Variants in YPEL2 observed in about 807,000 individuals in gnomAD.
YPEL2 encodes yippee like 2.
In YPEL2, 2 loss-of-function variants were observed where a neutral mutation model predicts 19.1. The observed-to-expected ratio is 0.10, with a 90% confidence interval of 0.04 to 0.33. The LOEUF (loss-of-function observed/expected upper bound fraction) is 0.33. Ranked by LOEUF, YPEL2 falls within the 10% of genes least tolerant of loss-of-function variation. The probability of loss-of-function intolerance (pLI) is 1.00; values close to 1 mark genes in which losing one functional copy is unlikely to be tolerated. For missense variants in YPEL2, 66 were observed against 140.7 expected, an observed-to-expected ratio of 0.47 and a Z score of 2.68; for synonymous variants, 52 against 50.0, an observed-to-expected ratio of 1.04 and a Z score of -0.17.
At chr17:59,334,640 CTTAG>C (rs1329557385) in intron 1 of YPEL2, among the ~76,000 whole-genome samples, 27 of 151,802 alleles carry the variant, frequency 1.8e-4, no homozygotes, top group Admixed American at 6.6e-5. Flanking sequence ...ATTTTTCCCT[CTTAG>C]TTATTGTGTC....
chr17:59,381,487 G>C (rs2047949025), intron 2 of YPEL2, among the ~76,000 whole-genome samples: 1 of 152,144 alleles, frequency 6.6e-6, no homozygotes, highest in African/African-American at 2.4e-5. Context: ...CTATCACCAG[G>C]GGGAAGAAAC....
Position 59,353,631 on chromosome 17 carries a change from T to A in YPEL2, c.117+105T>A, listed in dbSNP as rs2047798207. ...TCTCAAGAATATTTGTACTCCATCT[T>A]TGTACAGGGAGGGCTGACCCACGTG... On this transcript the variant is annotated intron_variant, in intron 2 of 4. Coordinates refer to ENST00000312655, the MANE Select transcript of YPEL2 (RefSeq NM_001005404.4). This position sits in a 1 kb window ranked among gnomAD's most constrained non-coding sequence, Gnocchi z 4.8. 1.1e-6 allele frequency: 1 copy of A among 904,400 alleles called. No homozygotes were observed. The highest frequency in any genetic ancestry group is 1.8e-6 in the Non-Finnish European group (1 of 543,332). 56.0% of individuals were successfully genotyped at this position (904,400 alleles called of 1,614,324 possible). A position where few individuals can be genotyped will look rare whatever the true frequency, so the allele number is the denominator to read the frequency against.
intron 1 of YPEL2, among the ~76,000 whole-genome samples, chr17:59,332,769 C>T (rs1038944463): frequency 8.5e-5 from 13 of 152,144 alleles, no homozygotes; most frequent in African/African-American, 3.1e-4. Context: ...CCCTCGCCCG[C>T]CCCCCAGTCC....
intron 2 of YPEL2, among the ~76,000 whole-genome samples, chr17:59,358,541 T>C (rs2047824620): frequency 6.6e-6 from 1 of 151,896 alleles, no homozygotes; most frequent in African/African-American, 2.4e-5. Flanking sequence ...CCACTCTACC[T>C]GTCAGGGCAG....
At chr17:59,332,862 C>T (rs571634809) in intron 1 of YPEL2, among the ~76,000 whole-genome samples, 1 of 152,168 alleles carries the variant, frequency 6.6e-6, no homozygotes, top group African/African-American at 2.4e-5. Flanking sequence ...ATTTGCTGTC[C>T]TTGCAACTTG....
intron 2 of YPEL2, among the ~76,000 whole-genome samples, chr17:59,386,346 A>G (rs2047980265): frequency 6.6e-6 from 1 of 151,880 alleles, no homozygotes; most frequent in Non-Finnish European, 1.5e-5. Flanking sequence ...AAAAGGAAAG[A>G]AAGAAAAAGG....
chr17:59,361,139 A>C (rs1390491154), intron 2 of YPEL2, among the ~76,000 whole-genome samples: 1 of 152,168 alleles, frequency 6.6e-6, no homozygotes, highest in African/African-American at 2.4e-5. Context: ...GCTTGGGATA[A>C]TTTGTATAGC....
At chr17:59,337,633 G>A (rs1471870581) in intron 1 of YPEL2, among the ~76,000 whole-genome samples, 2 of 152,006 alleles carry the variant, frequency 1.3e-5, no homozygotes, top group Admixed American at 1.3e-4. Flanking sequence ...TTTTGCTTTG[G>A]CTACCAGGAA....
intron 4 of YPEL2, among the ~76,000 whole-genome samples, chr17:59,395,756 TCTC>T (rs1214460399): frequency 6.6e-6 from 1 of 152,160 alleles, no homozygotes; most frequent in Non-Finnish European, 1.5e-5. Context: ...CTCCCTGTCT[TCTC>T]TAAGCCTAAC....
intron 2 of YPEL2, among the ~76,000 whole-genome samples, chr17:59,373,591 C>A (rs1459249662): frequency 6.6e-6 from 1 of 152,204 alleles, no homozygotes; most frequent in Non-Finnish European, 1.5e-5. Flanking sequence ...CAGCAAGGCT[C>A]CGGACATGGC....
intron 2 of YPEL2, among the ~76,000 whole-genome samples, chr17:59,356,698 A>T (rs1026246572): frequency 1.3e-5 from 2 of 152,244 alleles, no homozygotes; most frequent in Admixed American, 1.3e-4. Flanking sequence ...TATAAACCAC[A>T]GAAGTTTATT....
At chr17:59,340,265 C>T (rs368993121) in intron 1 of YPEL2, among the ~76,000 whole-genome samples, 11 of 152,128 alleles carry the variant, frequency 7.2e-5, no homozygotes, top group South Asian at 2.1e-4. Context: ...CCTGCCACTA[C>T]GCCCGGCTAA....
At chr17:59,379,962 G>A (rs533364714) in intron 2 of YPEL2, among the ~76,000 whole-genome samples, 12 of 151,618 alleles carry the variant, frequency 7.9e-5, no homozygotes, top group African/African-American at 2.4e-4. Flanking sequence ...CCGGGTTCAC[G>A]TGATTTTCCT....
chr17:59,358,603 T>C (rs1025129977), intron 2 of YPEL2, among the ~76,000 whole-genome samples: 1 of 151,808 alleles, frequency 6.6e-6, no homozygotes, highest in South Asian at 2.1e-4. Flanking sequence ...TTTTTTTGGT[T>C]GTTGTTTGTT....
intron 1 of YPEL2, among the ~76,000 whole-genome samples, chr17:59,332,684 T>G (rs2047677902): frequency 6.6e-6 from 1 of 152,196 alleles, no homozygotes; most frequent in African/African-American, 2.4e-5. Context: ...ACCTCTGCCT[T>G]CAGTCTTAGC....
intron 4 of YPEL2, among the ~76,000 whole-genome samples, chr17:59,395,564 C>T: frequency 6.6e-6 from 1 of 152,156 alleles, no homozygotes; most frequent in East Asian, 1.9e-4. Context: ...AGAAAAGTCA[C>T]CTGCCAGGTG....
rs528951404 is a variant in YPEL2 at position 59,371,305 on chromosome 17, A to G, written c.118-17022A>G. On this transcript the variant is annotated intron_variant, in intron 2 of 4. Coordinates refer to ENST00000312655, the MANE Select transcript of YPEL2 (RefSeq NM_001005404.4). ...AGCAGACCCCTTTGTCTGCAGGCAT[A>G]GTGGGCTCTGCAGCTCCCCAGTATC... Among the ~76,000 whole-genome samples the G allele has an allele frequency of 5.3e-5, 8 of 152,324 alleles. No homozygotes were observed. In the East Asian group the frequency reaches 1.5e-3, roughly 29 times the overall value.
intron 1 of YPEL2, among the ~76,000 whole-genome samples, chr17:59,332,290 G>A (rs2147930116): frequency 6.6e-6 from 1 of 152,270 alleles, no homozygotes; most frequent in East Asian, 1.9e-4. Context: ...GGGACACTTA[G>A]GTCCAGGGGC....
At position 59,366,557 on chromosome 17, in the gene YPEL2, C is replaced by T. The variant is rs116986872; in HGVS notation, c.117+13031C>T. On this transcript the variant is annotated intron_variant, in intron 2 of 4. Transcript: ENST00000312655. ...GAGCTAGCCCAGCCGAGTCGGGCAG[C>T]CCCTTGTTCTCTGATGCATCTTTGG... 3.7e-4 allele frequency among the ~76,000 whole-genome samples: 56 copies of T among 152,320 alleles called. 1 individual carries two copies. The East Asian group carries it at 0.011, about 29-fold the overall frequency.
Sources: allele counts gnomAD v4.1 joint callset (sites outside exome capture counted in the v4.1 genomes callset), GRCh38; gene constraint gnomAD v4.1.1; non-coding constraint Gnocchi (gnomAD v3.1); transcripts MANE v1.5; gene names NCBI Gene and HGNC (gene_info 2026-07-23, HGNC 2026-07-21).